STK39: variants seen among roughly 807,000 people sequenced by gnomAD.
STK39 encodes the protein STE20/SPS1-related proline-alanine-rich protein kinase.
A neutral mutation model predicts 77.8 loss-of-function variants in STK39; 20 were observed. That is an observed-to-expected ratio of 0.26 (90% CI 0.18 to 0.37). The LOEUF is 0.37. STK39 is among the 10% of genes least tolerant of loss of function. STK39 has a pLI of 1.00. For missense variants in STK39, 479 were observed against 656.5 expected (o/e 0.73, Z 2.95); for synonymous variants, 246 against 234.1 (o/e 1.05, Z -0.47).
intron 10 of STK39, among the ~76,000 whole-genome samples, chr2:168,102,700 C>A (rs189369074): frequency 1.3e-5 from 2 of 151,846 alleles, no homozygotes; most frequent in African/African-American, 2.4e-5. Context: ...GAGGCCAAGG[C>A]GGGCAGATTA....
intron 16 of STK39, among the ~76,000 whole-genome samples, 200 bp from the exon 17 acceptor site, chr2:167,964,926 T>C (rs1341542221): frequency 6.6e-6 from 1 of 152,228 alleles, no homozygotes; most frequent in East Asian, 1.9e-4. Flanking sequence ...TTCAGCAATC[T>C]TGTATCTATG....
At chr2:168,150,235 C>A (rs964819766) in intron 5 of STK39, among the ~76,000 whole-genome samples, 5 of 152,204 alleles carry the variant, frequency 3.3e-5, no homozygotes, top group African/African-American at 1.2e-4. Flanking sequence ...ATGAAGAGAA[C>A]CATGGCAGTC....
chr2:168,072,688 C>G (rs933582599), intron 12 of STK39, among the ~76,000 whole-genome samples: 34 of 152,206 alleles, frequency 2.2e-4, no homozygotes, highest in Non-Finnish European at 3.7e-4. Context: ...ATATTTAACA[C>G]TTTTTAATTT....
At chr2:168,060,143 C>A (rs898846260) in intron 14 of STK39, among the ~76,000 whole-genome samples, 32 of 151,996 alleles carry the variant, frequency 2.1e-4, no homozygotes, top group African/African-American at 7.7e-4. Flanking sequence ...CTTTCCACCC[C>A]ACTCCAACAA....
At chr2:168,228,106 T>C (rs1485684343) in intron 1 of STK39, among the ~76,000 whole-genome samples, 1 of 152,204 alleles carries the variant, frequency 6.6e-6, no homozygotes. Flanking sequence ...ATTAGATGTA[T>C]TCCGTGATTC....
At chr2:168,013,126 T>C (rs1290162958) in intron 15 of STK39, among the ~76,000 whole-genome samples, 1 of 152,214 alleles carries the variant, frequency 6.6e-6, no homozygotes, top group African/African-American at 2.4e-5. Flanking sequence ...ATGGGTAGCA[T>C]CTGATATAAC....
chr2:168,237,817 C>T (rs1438556926), intron 1 of STK39, among the ~76,000 whole-genome samples: 1 of 152,036 alleles, frequency 6.6e-6, no homozygotes, highest in Non-Finnish European at 1.5e-5. Flanking sequence ...TATTCTTGTA[C>T]CACTTCTCAC....
Position 167,977,958 on chromosome 2 carries a change from G to C in STK39, c.1499-13232C>G, listed in dbSNP as rs188473279. ...TCTGAGGAAGGGGCTTGGGAAGTGG[G>C]GAGTGCTGACTGGTTGGTTTGGAGA... On this transcript the variant is annotated intron_variant, in intron 16 of 17. Coordinates refer to ENST00000355999, the MANE Select transcript of STK39 (RefSeq NM_013233.3). Among the ~76,000 whole-genome samples, 175 of 152,294 alleles carry C rather than the reference G, an allele frequency of 1.1e-3. 2 individuals are homozygous for C. The highest frequency in any genetic ancestry group is 3.7e-3 in the African/African-American group (153 of 41,558).
At chr2:168,077,246 ATCT>A (rs1196300791) in intron 10 of STK39, among the ~76,000 whole-genome samples, 3 of 152,182 alleles carry the variant, frequency 2.0e-5, no homozygotes, top group Admixed American at 6.5e-5. Flanking sequence ...CACTAAGGAA[ATCT>A]TCTTTTCCAG....
intron 8 of STK39, among the ~76,000 whole-genome samples, chr2:168,130,464 C>G (rs1381179797): frequency 6.6e-6 from 1 of 152,170 alleles, no homozygotes; most frequent in East Asian, 1.9e-4. Context: ...TGATGGCACA[C>G]ACTTCTTACA....
At chr2:168,101,494 T>C (rs555144609) in intron 10 of STK39, among the ~76,000 whole-genome samples, 1 of 152,284 alleles carries the variant, frequency 6.6e-6, no homozygotes, top group Admixed American at 6.5e-5. Flanking sequence ...TCCCAGCACT[T>C]TGGGAGGATG....
chr2:168,070,961 G>C (rs1327555231), intron 12 of STK39, among the ~76,000 whole-genome samples: 4 of 152,122 alleles, frequency 2.6e-5, no homozygotes, highest in Non-Finnish European at 5.9e-5. Context: ...ATACGACCCA[G>C]GATGAGGTGG....
At chr2:168,194,516 G>A (rs541169624) in intron 1 of STK39, among the ~76,000 whole-genome samples, 17 of 152,140 alleles carry the variant, frequency 1.1e-4, no homozygotes, top group African/African-American at 3.6e-4. Context: ...TGATTTTTTG[G>A]GTGGGTTTTT....
In STK39 at chr2:168,161,725, A is replaced by G. The variant is rs920682624; in HGVS notation, c.628+62T>C. On this transcript the variant is annotated intron_variant, in intron 5 of 17. Coordinates refer to ENST00000355999, the MANE Select transcript of STK39 (RefSeq NM_013233.3). ...ATTCATTTCTCAGGAATGATTCTAC[A>G]TTCCTTGAAACTGTAACACTTCCGT... The G allele has an allele frequency of 5.0e-6, 6 of 1,193,222 alleles. No homozygotes were observed. In the Admixed American group the frequency reaches 6.3e-5, roughly 13 times the overall value. The allele number at this position is 1,193,222 out of a possible 1,614,324, so 73.9% of individuals were successfully genotyped here.
chr2:168,038,836 T>C (rs1685025724), intron 14 of STK39, among the ~76,000 whole-genome samples: 1 of 152,136 alleles, frequency 6.6e-6, no homozygotes, highest in Non-Finnish European at 1.5e-5. Flanking sequence ...AAGTTAAAAC[T>C]ATAATAAGAT....
chr2:168,186,623 G>A (rs560846510), intron 1 of STK39, among the ~76,000 whole-genome samples: 2 of 152,314 alleles, frequency 1.3e-5, no homozygotes, highest in South Asian at 4.1e-4. Context: ...CTGCTATCTA[G>A]ACTTCAGCTT....
At chr2:168,019,740 G>A (rs1684524152) in intron 14 of STK39, among the ~76,000 whole-genome samples, 1 of 152,044 alleles carries the variant, frequency 6.6e-6, no homozygotes, top group African/African-American at 2.4e-5. Flanking sequence ...TCTGTTGCCT[G>A]TCTCCCAGGC....
intron 10 of STK39, among the ~76,000 whole-genome samples, chr2:168,077,018 T>C (rs1485017646): frequency 6.6e-6 from 1 of 152,194 alleles, no homozygotes; most frequent in Non-Finnish European, 1.5e-5. Context: ...GCAACGCTGA[T>C]CATGGTGGTA....
chr2:167,981,280 G>A (rs1354198954), intron 16 of STK39, among the ~76,000 whole-genome samples: 2 of 152,202 alleles, frequency 1.3e-5, no homozygotes, highest in Non-Finnish European at 2.9e-5. Context: ...CAGCTGAACT[G>A]TACAACGTGC....
Sources: gnomAD v4.1 joint callset for allele counts (sites outside exome capture counted in the v4.1 genomes callset) on GRCh38, gnomAD v4.1.1 for gene constraint, MANE v1.5 for transcripts, NCBI Gene and HGNC (gene_info 2026-07-23, HGNC 2026-07-21) for gene names.